Variants in LRRIQ1 observed in about 807,000 individuals in gnomAD.
LRRIQ1 encodes leucine-rich repeat- and IQ domain-containing protein 1.
In LRRIQ1, 210 loss-of-function variants were observed where a neutral mutation model predicts 211.9. That is an observed-to-expected ratio of 0.99 (90% CI 0.89 to 1.11). The LOEUF is 1.11. Among genes scored for constraint, LRRIQ1 ranks in the 50% most tolerant of loss-of-function variants. The probability of loss-of-function intolerance (pLI) is 0.00; values close to 1 mark genes in which losing one functional copy is unlikely to be tolerated. For synonymous variants in LRRIQ1, 699 were observed against 650.1 expected, an observed-to-expected ratio of 1.08 and a Z score of -1.14; for missense variants, 2,136 against 1,939.5, an observed-to-expected ratio of 1.10 and a Z score of -1.90.
chr12:85,060,535 C>G (rs1321539759), intron 8 of LRRIQ1, among the ~76,000 whole-genome samples: 1 of 151,788 alleles, frequency 6.6e-6, no homozygotes, highest in Non-Finnish European at 1.5e-5. Context: ...ACTTTTAGAT[C>G]AAGAAGTCTC....
At chr12:85,216,861 T>G (rs917298926) in intron 24 of LRRIQ1, among the ~76,000 whole-genome samples, 1 of 151,896 alleles carries the variant, frequency 6.6e-6, no homozygotes. Context: ...CTAAAAATAG[T>G]ACAATAAAAG....
intron 18 of LRRIQ1, among the ~76,000 whole-genome samples, chr12:85,131,313 C>T (rs1240795995): frequency 2.6e-5 from 4 of 151,948 alleles, no homozygotes; most frequent in Non-Finnish European, 5.9e-5. Flanking sequence ...TTTTCCCTTT[C>T]TGATTGGCTG....
chr12:85,056,917 T>C lies in LRRIQ1; in HGVS notation c.2124T>C (p.Ile708=), dbSNP rs1436102430. The C allele has an allele frequency of 6.2e-7, 1 of 1,613,006 alleles. No homozygotes were observed. The highest frequency in any genetic ancestry group is 1.3e-5 in the African/African-American group (1 of 74,978). Residue 708 remains isoleucine (I), a synonymous_variant, in exon 8 of 27, where the codon ATT becomes ATC. Transcript: ENST00000393217. The part of the protein sequence containing the change: ...SKEVNSLKSE[I]RNISEKCHEN... ...AAGTCAACTCTCTTAAATCTGAGATTAGAAATATTTCAGAAAAATGCCATG... is the reference window on the plus strand; with the variant it reads ...AAGTCAACTCTCTTAAATCTGAGATCAGAAATATTTCAGAAAAATGCCATG...
At chr12:85,164,356 G>A (rs1181372945) in intron 24 of LRRIQ1, among the ~76,000 whole-genome samples, 2 of 151,990 alleles carry the variant, frequency 1.3e-5, no homozygotes, top group Admixed American at 6.6e-5. Flanking sequence ...GTGACCTTTG[G>A]GAAGTTGTTT....
chr12:85,221,215 T>G (rs899203259), intron 24 of LRRIQ1, among the ~76,000 whole-genome samples: 4 of 152,172 alleles, frequency 2.6e-5, no homozygotes, highest in African/African-American at 9.7e-5. Flanking sequence ...ATTAATCATG[T>G]TTAGACATAT....
At position 85,137,954 on chromosome 12, in the gene LRRIQ1, T is replaced by C. The variant is rs1367709753; in HGVS notation, c.4314T>C (p.Asp1438=). 2 of 1,453,654 alleles carry C rather than the reference T, an allele frequency of 1.4e-6. No homozygotes were observed. Among genetic ancestry groups the C allele is most frequent in the South Asian group, 2.4e-5 (2 of 84,306 alleles). The allele number at this position is 1,453,654 out of a possible 1,614,324, so 90.0% of individuals were successfully genotyped here. Residue 1438 remains aspartate, a synonymous_variant, in exon 19 of 27, where the codon GAT becomes GAC. Transcript: ENST00000393217. ...AATACAGAGAAATAGATTTAGAGGA[T>C]TTTATATTTGATGAAGTAAGTACGA... The part of the protein sequence containing the change: ...DEEYREIDLE[D]FIFDEAALEE...
intron 26 of LRRIQ1, among the ~76,000 whole-genome samples, chr12:85,241,944 A>G (rs1895479584): frequency 6.6e-6 from 1 of 152,030 alleles, no homozygotes; most frequent in African/African-American, 2.4e-5. Flanking sequence ...CAGAATCCAA[A>G]TGCTTGGAAA....
intron 24 of LRRIQ1, among the ~76,000 whole-genome samples, chr12:85,173,620 TAC>T (rs141002215): frequency 6.1e-5 from 9 of 148,736 alleles, no homozygotes; most frequent in Admixed American, 2.7e-4. Flanking sequence ...CAATCTCTCA[TAC>T]ACACACACAC....
At chr12:85,123,446 A>G (rs768764953) in intron 16 of LRRIQ1, among the ~76,000 whole-genome samples, 1 of 152,112 alleles carries the variant, frequency 6.6e-6, no homozygotes, top group Non-Finnish European at 1.5e-5. Context: ...AGTCCTTTAC[A>G]TTTCTTACTG....
chr12:85,261,432 A>G (rs1197863885), intron 1 of LRRIQ1, among the ~76,000 whole-genome samples: 1 of 152,160 alleles, frequency 6.6e-6, no homozygotes, highest in Non-Finnish European at 1.5e-5. Context: ...GTTGCATCAA[A>G]TTTGAAATTA....
At chr12:85,165,674 C>T (rs563008624) in intron 24 of LRRIQ1, among the ~76,000 whole-genome samples, 1 of 152,018 alleles carries the variant, frequency 6.6e-6, no homozygotes, top group South Asian at 2.1e-4. Flanking sequence ...GGGGTTTCAC[C>T]GTGTTGCCCA....
At chr12:85,142,253 T>A (rs1467717479) in intron 19 of LRRIQ1, among the ~76,000 whole-genome samples, 2 of 151,452 alleles carry the variant, frequency 1.3e-5, no homozygotes, top group East Asian at 1.9e-4. Context: ...TTTTTGTTTT[T>A]CAAACTGGCT....
chr12:85,224,975 T>C (rs1487314064), intron 24 of LRRIQ1, among the ~76,000 whole-genome samples: 3 of 152,062 alleles, frequency 2.0e-5, no homozygotes, highest in Non-Finnish European at 2.9e-5. Flanking sequence ...TTCTATTACA[T>C]ATAATACATT....
chr12:85,041,814 C>T (rs1878926554), intron 3 of LRRIQ1, among the ~76,000 whole-genome samples: 1 of 151,556 alleles, frequency 6.6e-6, no homozygotes, highest in Admixed American at 6.6e-5. Flanking sequence ...AAGACTATTG[C>T]AATAATATGA....
intron 3 of LRRIQ1, among the ~76,000 whole-genome samples, chr12:85,042,449 A>T (rs1236259076): frequency 6.7e-6 from 1 of 148,206 alleles, no homozygotes; most frequent in Non-Finnish European, 1.5e-5. Context: ...TTAATTTATT[A>T]AATTAAAATA....
At chr12:85,099,289 C>T (rs537744333) in intron 13 of LRRIQ1, among the ~76,000 whole-genome samples, 33 of 151,762 alleles carry the variant, frequency 2.2e-4, no homozygotes, top group African/African-American at 6.0e-4. Flanking sequence ...TATGTTTATA[C>T]GGAGCATAGT....
chr12:85,040,730 C>T lies in LRRIQ1; in HGVS notation c.244+129C>T, dbSNP rs529351042. On this transcript the variant is annotated intron_variant, in intron 3 of 26. Coordinates refer to ENST00000393217, the MANE Select transcript of LRRIQ1 (RefSeq NM_001079910.2). ...ACATGTGTATACATTTAGTGTATTT[C>T]TAATATATCTACAGTATATTGGACT... The T allele has an allele frequency of 6.6e-5, 31 of 473,230 alleles. No individual in the cohort carries two copies. The South Asian group carries it at 8.4e-4, about 13-fold the overall frequency. The allele number at this position is 473,230 out of a possible 1,614,324, so 29.3% of individuals were successfully genotyped here. A position where few individuals can be genotyped will look rare whatever the true frequency, so the allele number is the denominator to read the frequency against.
intron 24 of LRRIQ1, among the ~76,000 whole-genome samples, chr12:85,227,329 G>T (rs1258919884): frequency 1.3e-5 from 2 of 151,990 alleles, no homozygotes; most frequent in African/African-American, 4.8e-5. Context: ...CAATGTGCAG[G>T]TTTGTTACAT....
Position 85,124,290 on chromosome 12 carries a change from T to C in LRRIQ1, c.3778T>C (p.Ser1260Pro), listed in dbSNP as rs199743585. 1.1e-5 allele frequency: 17 copies of C among 1,613,942 alleles called. No homozygotes were observed. The highest frequency in any genetic ancestry group is 1.6e-4 in the Middle Eastern group (1 of 6,084). The part of the protein sequence containing the change: ...YSCAREGEPD[S>P]PDIPEKWMDS... ...TTGTGCACGTGAAGGTGAGCCAGAC[T>C]CACCAGATATTCCTGAGAAATGGAT... is the stretch of plus-strand genomic sequence containing the variant. The change falls in exon 17 of 27, where the codon TCA (serine) becomes CCA (proline). Residue 1260 changes from serine (S) to proline (P), a missense_variant. By Grantham distance (74) the Ser-to-Pro change is moderately conservative. Coordinates refer to ENST00000393217, the MANE Select transcript of LRRIQ1 (RefSeq NM_001079910.2).
Sources: allele counts gnomAD v4.1 joint callset (sites outside exome capture counted in the v4.1 genomes callset), GRCh38; gene constraint gnomAD v4.1.1; transcripts MANE v1.5; gene names NCBI Gene and HGNC (gene_info 2026-07-23, HGNC 2026-07-21).